NAALADL2: variants seen among roughly 807,000 people sequenced by gnomAD.
NAALADL2 encodes the protein inactive N-acetylated-alpha-linked acidic dipeptidase-like protein 2.
Under a neutral mutation model 87.2 loss-of-function variants are expected in NAALADL2, and 76 were observed. The observed-to-expected ratio is 0.87, with a 90% confidence interval of 0.72 to 1.05. NAALADL2 has a LOEUF of 1.05. Ranked by LOEUF, NAALADL2 falls within the 50% of genes least tolerant of loss-of-function variation. The pLI is 0.00. For missense variants in NAALADL2, 1,089 were observed against 945.8 expected, an observed-to-expected ratio of 1.15 and a Z score of -1.99; for synonymous variants, 354 against 331.0, an observed-to-expected ratio of 1.07 and a Z score of -0.75.
rs911889401 is a variant in NAALADL2 at position 175,632,296 on chromosome 3, C to G, written c.1896+4910C>G. Among the ~76,000 whole-genome samples, 348 of 151,230 alleles carry G rather than the reference C, an allele frequency of 2.3e-3. 3 individuals are homozygous for G. Among genetic ancestry groups the G allele is most frequent in the African/African-American group, 8.2e-3 (339 of 41,162 alleles). ...TCTCTCTCTCTCTCTCTCTCTCTCTCTCTCTCTCTCTCTCCTACTCCCTAA... is the reference window on the plus strand; with the variant it reads ...TCTCTCTCTCTCTCTCTCTCTCTCTGTCTCTCTCTCTCTCCTACTCCCTAA... On this transcript the variant is annotated intron_variant, in intron 11 of 13. Coordinates refer to ENST00000454872, the MANE Select transcript of NAALADL2 (RefSeq NM_207015.3).
At chr3:175,037,822 G>T (rs889797547) in intron 1 of NAALADL2, among the ~76,000 whole-genome samples, 1 of 152,110 alleles carries the variant, frequency 6.6e-6, no homozygotes, top group African/African-American at 2.4e-5. Flanking sequence ...TGGATGAGCA[G>T]GCCACGGTAT....
At chr3:175,760,261 G>A (rs571689063) in intron 13 of NAALADL2, among the ~76,000 whole-genome samples, 112 of 152,234 alleles carry the variant, frequency 7.4e-4, no homozygotes, top group Non-Finnish European at 1.3e-3. Flanking sequence ...TGGCCATTTA[G>A]GTAAAGCACT....
rs9863681 is a variant in NAALADL2, at chr3:175,280,169, C to T, written c.939+23639C>T. 6.5e-3 allele frequency among the ~76,000 whole-genome samples: 996 copies of T among 152,142 alleles called. 5 individuals carry two copies. The highest frequency in any genetic ancestry group is 0.022 in the African/African-American group (899 of 41,540). The stretch of plus-strand genomic sequence containing the variant: ...AAAAGATAAGGAATTTCTGTTTCTT[C>T]TTGCCATTCCACTAGCTAGCCAAGT... On this transcript the variant is annotated intron_variant, in intron 4 of 13. Coordinates refer to ENST00000454872, the MANE Select transcript of NAALADL2 (RefSeq NM_207015.3).
intron 9 of NAALADL2, among the ~76,000 whole-genome samples, chr3:175,493,628 A>G (rs16825841): frequency 0.041 from 6,165 of 152,182 alleles, 400 homozygotes; most frequent in African/African-American, 0.14. Context: ...AGACAGCTCA[A>G]GGCAACTTAA....
At chr3:175,516,158 G>A (rs538968793) in intron 9 of NAALADL2, among the ~76,000 whole-genome samples, 1 of 152,252 alleles carries the variant, frequency 6.6e-6, no homozygotes, top group East Asian at 1.9e-4. Context: ...TAATTGCTGA[G>A]GCCATTTGTA....
intron 2 of NAALADL2, among the ~76,000 whole-genome samples, chr3:175,197,554 T>C (rs1320069310): frequency 6.6e-6 from 1 of 152,038 alleles, no homozygotes; most frequent in African/African-American, 2.4e-5. Context: ...ATCAACTGTG[T>C]ATATGGTTGA....
At chr3:174,886,986 A>G (rs920185303) in intron 1 of NAALADL2, among the ~76,000 whole-genome samples, 1 of 152,180 alleles carries the variant, frequency 6.6e-6, no homozygotes, top group Non-Finnish European at 1.5e-5. Flanking sequence ...ACGTGGGTAC[A>G]TTTTTCAGCT....
chr3:175,309,105 C>T (rs1758038562), intron 4 of NAALADL2, among the ~76,000 whole-genome samples: 1 of 152,118 alleles, frequency 6.6e-6, no homozygotes, highest in African/African-American at 2.4e-5. Flanking sequence ...TAGATCCCTT[C>T]TTTTTAATGA....
At chr3:175,003,970 T>C (rs1022223947) in intron 1 of NAALADL2, among the ~76,000 whole-genome samples, 11 of 152,116 alleles carry the variant, frequency 7.2e-5, no homozygotes, top group Admixed American at 5.2e-4. Context: ...TAAAAAGCCA[T>C]CCAGCAGGAT....
At chr3:175,784,115 T>C (rs931017497) in intron 13 of NAALADL2, among the ~76,000 whole-genome samples, 1 of 150,254 alleles carries the variant, frequency 6.7e-6, no homozygotes, top group African/African-American at 2.5e-5. Flanking sequence ...CAGTATTTTA[T>C]TGAGGATTTT....
chr3:174,763,889 A>G (rs1012508586), intron 3 of NAALADL2, among the ~76,000 whole-genome samples: 2 of 151,984 alleles, frequency 1.3e-5, no homozygotes, highest in Non-Finnish European at 1.5e-5. Flanking sequence ...TTTTAAAGCC[A>G]TAAAATTTTA....
chr3:175,096,453 C>T (rs558302183), intron 1 of NAALADL2, among the ~76,000 whole-genome samples: 8 of 151,032 alleles, frequency 5.3e-5, no homozygotes, highest in Non-Finnish European at 1.2e-4. Context: ...ATTGTACATT[C>T]ATGACTGTTG....
At chr3:175,058,583 G>A (rs1410508754) in intron 1 of NAALADL2, among the ~76,000 whole-genome samples, 1 of 152,140 alleles carries the variant, frequency 6.6e-6, no homozygotes, top group Admixed American at 6.6e-5. Flanking sequence ...GTCGGGGGGT[G>A]CATAATCAAC....
chr3:175,539,202 A>G (rs1711838098), intron 9 of NAALADL2, among the ~76,000 whole-genome samples: 1 of 152,190 alleles, frequency 6.6e-6, no homozygotes, highest in South Asian at 2.1e-4. Context: ...TGATGGAACC[A>G]CTAGCATTAC....
At chr3:174,451,358 C>T (rs1465758005) in intron 1 of NAALADL2, among the ~76,000 whole-genome samples, 1 of 152,126 alleles carries the variant, frequency 6.6e-6, no homozygotes, top group East Asian at 1.9e-4. Context: ...GGTGGCTGTT[C>T]TTTTAGTTGC....
intron 2 of NAALADL2, among the ~76,000 whole-genome samples, chr3:174,635,743 C>T (rs1304961030): frequency 1.3e-5 from 2 of 152,150 alleles, no homozygotes; most frequent in South Asian, 2.1e-4. Context: ...TCTCAGGTGA[C>T]GTGCCTGTTT....
chr3:175,670,583 G>T (rs1167780321), intron 11 of NAALADL2, among the ~76,000 whole-genome samples: 76 of 143,284 alleles, frequency 5.3e-4, no homozygotes, highest in Non-Finnish European at 7.0e-4. Flanking sequence ...TATATTAAAT[G>T]TAAAATTAAT....
chr3:174,619,589 G>A (rs550002885), intron 2 of NAALADL2, among the ~76,000 whole-genome samples: 1 of 152,052 alleles, frequency 6.6e-6, no homozygotes, highest in African/African-American at 2.4e-5. Context: ...ATGAAATGAA[G>A]GGATTTTAGT....
chr3:175,023,937 G>GT (rs1751891232), intron 1 of NAALADL2, among the ~76,000 whole-genome samples: 1 of 151,972 alleles, frequency 6.6e-6, no homozygotes, highest in South Asian at 2.1e-4. Context: ...CTTTGTAAAG[G>GT]TAACAGAGTT....
Sources: gnomAD v4.1 joint callset for allele counts (sites outside exome capture counted in the v4.1 genomes callset) on GRCh38, gnomAD v4.1.1 for gene constraint, MANE v1.5 for transcripts, NCBI Gene and HGNC (gene_info 2026-07-23, HGNC 2026-07-21) for gene names.